The following NAV2 variants were observed in gnomAD, a reference collection of about 807,000 sequenced individuals.
The protein encoded by NAV2 is neuron navigator 2.
A neutral mutation model predicts 223.2 loss-of-function variants in NAV2; 54 were observed. The ratio of observed to expected loss-of-function variants is 0.24; its 90% CI spans 0.19 to 0.30. The LOEUF (loss-of-function observed/expected upper bound fraction) is 0.30. NAV2 is among the 10% of genes least tolerant of loss of function. The pLI is 1.00. For missense variants in NAV2, 2,806 were observed against 3,147.5 expected (o/e 0.89, Z 2.60); for synonymous variants, 1,279 against 1,239.3 (o/e 1.03, Z -0.67).
chr11:19,539,906 G>A (rs963109248), intron 1 of NAV2, among the ~76,000 whole-genome samples: 1 of 152,094 alleles, frequency 6.6e-6, no homozygotes. Flanking sequence ...CGTGGAGGGG[G>A]ACCCACTGCT....
At chr11:19,545,293 G>A (rs2134578556) in intron 1 of NAV2, among the ~76,000 whole-genome samples, 1 of 152,324 alleles carries the variant, frequency 6.6e-6, no homozygotes, top group South Asian at 2.1e-4. Flanking sequence ...CTTGGTTTGG[G>A]CCGGGCAGCC....
At chr11:19,808,790 T>G (rs1439269258) in intron 1 of NAV2, among the ~76,000 whole-genome samples, 1 of 152,252 alleles carries the variant, frequency 6.6e-6, no homozygotes, top group African/African-American at 2.4e-5. Context: ...AAATAAATCT[T>G]CACTTCATGG....
intron 1 of NAV2, among the ~76,000 whole-genome samples, chr11:19,616,949 A>G (rs2046815290): frequency 6.6e-6 from 1 of 152,004 alleles, no homozygotes; most frequent in Non-Finnish European, 1.5e-5. Flanking sequence ...AGGGAAAATT[A>G]CTTACCCTCT....
chr11:20,097,521 C>T, intron 30 of NAV2, 56 bp from the exon 31 acceptor site: 1 of 1,386,332 alleles, frequency 7.2e-7, no homozygotes, highest in Non-Finnish European at 9.8e-7. Flanking sequence ...AAACATGAGT[C>T]ATGGGCAGAT....
chr11:19,442,433 C>T (rs1851438912), intron 1 of NAV2, among the ~76,000 whole-genome samples: 1 of 152,154 alleles, frequency 6.6e-6, no homozygotes, highest in African/African-American at 2.4e-5. Context: ...GGTTTGGAAT[C>T]ACTCAAAACC....
chr11:19,613,604 T>C (rs1012058575), intron 1 of NAV2, among the ~76,000 whole-genome samples: 9 of 152,218 alleles, frequency 5.9e-5, no homozygotes, highest in Non-Finnish European at 1.2e-4. Flanking sequence ...TTGGCTTCTA[T>C]GGCCAATCCT....
chr11:19,789,498 A>G (rs925124575), intron 1 of NAV2, among the ~76,000 whole-genome samples: 1 of 152,238 alleles, frequency 6.6e-6, no homozygotes, highest in Admixed American at 6.5e-5. Flanking sequence ...GAATGCATAC[A>G]TGGCATACTG....
intron 1 of NAV2, among the ~76,000 whole-genome samples, chr11:19,374,306 A>C (rs891558563): frequency 7.3e-6 from 1 of 136,786 alleles, no homozygotes; most frequent in Non-Finnish European, 1.5e-5. Context: ...TTTTTCCGAA[A>C]AGGTTTTTTT....
chr11:19,483,081 A>G (rs1158728003), intron 1 of NAV2, among the ~76,000 whole-genome samples: 1 of 152,222 alleles, frequency 6.6e-6, no homozygotes, highest in Admixed American at 6.5e-5. Context: ...CACAGTGTTA[A>G]GTCCTTTAGT....
intron 6 of NAV2, among the ~76,000 whole-genome samples, chr11:19,920,375 C>T (rs1042753136): frequency 6.6e-6 from 1 of 152,224 alleles, no homozygotes; most frequent in Non-Finnish European, 1.5e-5. Flanking sequence ...GCAACCTCTG[C>T]CTCCCAGGTT....
intron 3 of NAV2, among the ~76,000 whole-genome samples, chr11:19,865,207 G>A (rs1331298653): frequency 6.6e-6 from 1 of 152,154 alleles, no homozygotes; most frequent in East Asian, 1.9e-4. Context: ...CATGCTGTGT[G>A]TCTGGATCAC....
chr11:19,880,917 C>G (rs1283671391), intron 5 of NAV2, among the ~76,000 whole-genome samples: 2 of 152,198 alleles, frequency 1.3e-5, no homozygotes, highest in Non-Finnish European at 2.9e-5. Flanking sequence ...AAAGTTCATA[C>G]TGTTTTCTTT....
chr11:19,919,374 A>G (rs1320235006), intron 6 of NAV2, among the ~76,000 whole-genome samples: 1 of 151,824 alleles, frequency 6.6e-6, no homozygotes, highest in East Asian at 1.9e-4. Flanking sequence ...GCCTTAAGGA[A>G]ACAGAGTAGA....
At chr11:19,452,163 TTTC>T (rs1384204818) in intron 1 of NAV2, among the ~76,000 whole-genome samples, 1 of 151,986 alleles carries the variant, frequency 6.6e-6, no homozygotes, top group Non-Finnish European at 1.5e-5. Context: ...AAGATTAATA[TTTC>T]TTCTTCATTT....
intron 8 of NAV2, among the ~76,000 whole-genome samples, chr11:19,944,961 C>G (rs1266780118): frequency 1.4e-5 from 2 of 147,086 alleles, no homozygotes; most frequent in Admixed American, 1.4e-4. Flanking sequence ...TCTTTCCTTT[C>G]CGTTCCGTTC....
intron 1 of NAV2, among the ~76,000 whole-genome samples, chr11:19,392,443 T>A (rs563821678): frequency 6.6e-6 from 1 of 151,948 alleles, no homozygotes; most frequent in Non-Finnish European, 1.5e-5. Flanking sequence ...GAAGCTGGAA[T>A]CATCTGAAGG....
At chr11:19,744,574 TTTAA>T (rs1371168388) in intron 1 of NAV2, among the ~76,000 whole-genome samples, 1 of 151,712 alleles carries the variant, frequency 6.6e-6, no homozygotes, top group East Asian at 1.9e-4. Flanking sequence ...GGATTTTTTT[TTTAA>T]AGATTTGTGA....
At chr11:19,354,430 T>G (rs1474969968) in intron 1 of NAV2, among the ~76,000 whole-genome samples, 2 of 152,266 alleles carry the variant, frequency 1.3e-5, no homozygotes. Context: ...TAGGGGCCAC[T>G]GTGGTAGACA....
intron 3 of NAV2, among the ~76,000 whole-genome samples, chr11:19,852,157 T>A (rs2061181036): frequency 6.6e-6 from 1 of 152,226 alleles, no homozygotes; most frequent in Non-Finnish European, 1.5e-5. Flanking sequence ...CTGTAGATAA[T>A]ACATCTGTAT....
Sources: allele counts gnomAD v4.1 joint callset (sites outside exome capture counted in the v4.1 genomes callset), GRCh38; gene constraint gnomAD v4.1.1; transcripts MANE v1.5; gene names NCBI Gene and HGNC (gene_info 2026-07-23, HGNC 2026-07-21).